Variants in CFAP299 observed in about 807,000 individuals in gnomAD.
CFAP299 encodes cilia- and flagella-associated protein 299.
Under a neutral mutation model 27.0 loss-of-function variants are expected in CFAP299, and 21 were observed. That is an observed-to-expected ratio of 0.78 (90% CI 0.55 to 1.12). The LOEUF (loss-of-function observed/expected upper bound fraction) is 1.12. Among genes scored for constraint, CFAP299 ranks in the 50% most tolerant of loss-of-function variants. The pLI, the probability that CFAP299 is intolerant of heterozygous loss-of-function variation, is 0.00. For missense variants in CFAP299, 310 were observed against 276.6 expected, an observed-to-expected ratio of 1.12 and a Z score of -0.86; for synonymous variants, 104 against 98.1, an observed-to-expected ratio of 1.06 and a Z score of -0.36.
intron 2 of CFAP299, chr4:80,387,691 T>G (rs1725092601): frequency 6.3e-7 from 1 of 1,577,556 alleles, no homozygotes; most frequent in Admixed American, 1.7e-5. Flanking sequence ...GGCAAAGGCA[T>G]GGCCACATGC....
At chr4:80,524,282 C>T (rs1733062008) in intron 2 of CFAP299, among the ~76,000 whole-genome samples, 1 of 151,944 alleles carries the variant, frequency 6.6e-6, no homozygotes, top group African/African-American at 2.4e-5. Context: ...TAACCAGTGC[C>T]CATGGGCTCA....
chr4:80,374,861 A>C (rs1724326041), intron 2 of CFAP299, among the ~76,000 whole-genome samples: 1 of 151,956 alleles, frequency 6.6e-6, no homozygotes, highest in Admixed American at 6.6e-5. Context: ...CCAGCTTAAA[A>C]CATATGAATC....
intron 3 of CFAP299, among the ~76,000 whole-genome samples, chr4:80,660,331 G>T (rs541207704): frequency 6.6e-6 from 1 of 152,250 alleles, no homozygotes; most frequent in East Asian, 1.9e-4. Flanking sequence ...GATACAGTGT[G>T]AGAAAACATA....
chr4:80,665,468 T>C (rs1741100966), intron 3 of CFAP299, among the ~76,000 whole-genome samples: 1 of 152,202 alleles, frequency 6.6e-6, no homozygotes, highest in Non-Finnish European at 1.5e-5. Context: ...ACTCAGTTCT[T>C]CTCTGTGTCC....
intron 3 of CFAP299, among the ~76,000 whole-genome samples, chr4:80,838,858 C>T (rs1049944223): frequency 5.3e-5 from 8 of 152,012 alleles, no homozygotes; most frequent in African/African-American, 1.7e-4. Context: ...TAGAAAAAAG[C>T]AGGAACTCTT....
At chr4:80,623,903 C>G (rs549408947) in intron 3 of CFAP299, among the ~76,000 whole-genome samples, 1 of 152,118 alleles carries the variant, frequency 6.6e-6, no homozygotes, top group Non-Finnish European at 1.5e-5. Context: ...TCTAGACATC[C>G]CTTGTGGCAG....
intron 3 of CFAP299, among the ~76,000 whole-genome samples, chr4:80,585,159 G>T (rs1294877167): frequency 2.0e-5 from 3 of 152,046 alleles, no homozygotes; most frequent in South Asian, 2.1e-4. Flanking sequence ...GGCAAATTTG[G>T]CAGGATGCTG....
chr4:80,411,526 CTT>C (rs1436657780), intron 2 of CFAP299, among the ~76,000 whole-genome samples: 2 of 151,918 alleles, frequency 1.3e-5, no homozygotes, highest in Non-Finnish European at 2.9e-5. Context: ...TATTTATTGT[CTT>C]TAGAAAAATT....
intron 2 of CFAP299, among the ~76,000 whole-genome samples, chr4:80,456,997 T>TA (rs1410399998): frequency 6.6e-6 from 1 of 151,282 alleles, no homozygotes; most frequent in East Asian, 1.9e-4. Context: ...TTTTTTTTTT[T>TA]AACGCAGATG....
At chr4:80,386,625 A>G (rs1190702885) in intron 2 of CFAP299, 3 of 1,598,174 alleles carry the variant, frequency 1.9e-6, no homozygotes, top group Admixed American at 1.7e-5. Flanking sequence ...CAGCCAGCAT[A>G]GCGGAACTTG....
At chr4:80,891,721 T>C (rs1362554507) in intron 4 of CFAP299, among the ~76,000 whole-genome samples, 2 of 102,964 alleles carry the variant, frequency 1.9e-5, no homozygotes, top group Non-Finnish European at 3.7e-5. Context: ...CATATGTAAC[T>C]AACCTGCACA....
chr4:80,364,042 G>T (rs1285773200), intron 2 of CFAP299, among the ~76,000 whole-genome samples: 1 of 142,692 alleles, frequency 7.0e-6, no homozygotes. Context: ...AGCCAAGATC[G>T]CGCCACTGCA....
intron 3 of CFAP299, among the ~76,000 whole-genome samples, chr4:80,644,263 G>A (rs1739871966): frequency 6.6e-6 from 1 of 152,090 alleles, no homozygotes; most frequent in Admixed American, 6.6e-5. Context: ...AATATAAAAG[G>A]ATACAAGCTA....
intron 3 of CFAP299, among the ~76,000 whole-genome samples, chr4:80,740,469 G>C (rs999272909): frequency 4.6e-5 from 7 of 152,232 alleles, no homozygotes; most frequent in Middle Eastern, 3.4e-3. Flanking sequence ...TCTCCCAAAG[G>C]AACATAATCT....
intron 3 of CFAP299, among the ~76,000 whole-genome samples, chr4:80,602,713 C>T (rs1462074096): frequency 1.3e-5 from 2 of 152,100 alleles, no homozygotes; most frequent in African/African-American, 4.8e-5. Context: ...AACAGAAGGA[C>T]AGCCTCTGGG....
intron 3 of CFAP299, among the ~76,000 whole-genome samples, chr4:80,660,462 G>A (rs191116702): frequency 1.6e-3 from 239 of 152,234 alleles, no homozygotes; most frequent in African/African-American, 5.5e-3. Flanking sequence ...ATTTTGTTAG[G>A]CATAATAATG....
intron 2 of CFAP299, among the ~76,000 whole-genome samples, chr4:80,405,023 A>G (rs905855751): frequency 2.6e-5 from 4 of 152,202 alleles, no homozygotes; most frequent in African/African-American, 9.6e-5. Flanking sequence ...ATCGTCAAAC[A>G]AATGTCTCTT....
intron 3 of CFAP299, among the ~76,000 whole-genome samples, chr4:80,843,297 T>C (rs1014139759): frequency 1.3e-5 from 2 of 152,096 alleles, no homozygotes; most frequent in Non-Finnish European, 2.9e-5. Context: ...GTTCTCATTG[T>C]TCAATTCCCA....
chr4:80,563,620 A>G (rs1006718978), intron 2 of CFAP299, among the ~76,000 whole-genome samples: 2 of 152,018 alleles, frequency 1.3e-5, no homozygotes, highest in African/African-American at 2.4e-5. Flanking sequence ...TGAACAATCT[A>G]GTGATGCATC....
Sources: gnomAD v4.1 joint callset for allele counts (sites outside exome capture counted in the v4.1 genomes callset) on GRCh38, gnomAD v4.1.1 for gene constraint, MANE v1.5 for transcripts, NCBI Gene and HGNC (gene_info 2026-07-23, HGNC 2026-07-21) for gene names.